FSTL5: variants seen among roughly 807,000 people sequenced by gnomAD.
The protein encoded by FSTL5 is follistatin-related protein 5.
FSTL5 carries 62 observed loss-of-function variants against 89.1 expected under a neutral mutation model. That is an observed-to-expected ratio of 0.70 (90% confidence interval 0.57 to 0.86). FSTL5 has a LOEUF of 0.86. Ranked by LOEUF, FSTL5 falls within the 40% of genes least tolerant of loss-of-function variation. FSTL5 has a pLI of 0.00. For synonymous variants in FSTL5, 383 were observed against 346.2 expected (o/e 1.11, Z -1.18); for missense variants, 1,057 against 1,001.6 (o/e 1.06, Z -0.75).
intron 6 of FSTL5, among the ~76,000 whole-genome samples, chr4:161,743,218 A>G (rs1038963912): frequency 6.6e-6 from 1 of 152,124 alleles, no homozygotes. Flanking sequence ...TCATTGATCT[A>G]TTTTTAAGGG....
intron 8 of FSTL5, among the ~76,000 whole-genome samples, chr4:161,550,580 T>TA (rs1009709368): frequency 4.0e-5 from 6 of 150,134 alleles, no homozygotes; most frequent in South Asian, 2.1e-4. Context: ...TTTATTTATT[T>TA]ATTTATTTAT....
intron 7 of FSTL5, among the ~76,000 whole-genome samples, chr4:161,598,855 T>C (rs753190912): frequency 4.6e-5 from 7 of 152,104 alleles, no homozygotes; most frequent in Non-Finnish European, 7.4e-5. Context: ...AGTACATATA[T>C]GTAAAAGACA....
intron 6 of FSTL5, among the ~76,000 whole-genome samples, chr4:161,668,752 A>T (rs935312639): frequency 6.6e-6 from 1 of 152,196 alleles, no homozygotes; most frequent in African/African-American, 2.4e-5. Context: ...TCAACAAGAT[A>T]AGAGGAAAAC....
At chr4:161,817,892 A>G (rs972139529) in intron 4 of FSTL5, among the ~76,000 whole-genome samples, 7 of 151,990 alleles carry the variant, frequency 4.6e-5, no homozygotes, top group Admixed American at 3.9e-4. Flanking sequence ...CCTTTAAATG[A>G]TACTGGAGTT....
chr4:162,147,984 A>C (rs1291913086), intron 1 of FSTL5, among the ~76,000 whole-genome samples: 2 of 152,140 alleles, frequency 1.3e-5, no homozygotes, highest in Non-Finnish European at 1.5e-5. Context: ...CAGCCTGGGC[A>C]ACAAGAGCGA....
At chr4:161,904,450 T>C (rs1015009533) in intron 4 of FSTL5, among the ~76,000 whole-genome samples, 2 of 152,056 alleles carry the variant, frequency 1.3e-5, no homozygotes, top group Admixed American at 6.5e-5. Context: ...AACTAATATA[T>C]AAATTATCCA....
chr4:161,728,056 T>C (rs1454834014), intron 6 of FSTL5, among the ~76,000 whole-genome samples: 1 of 152,040 alleles, frequency 6.6e-6, no homozygotes, highest in Non-Finnish European at 1.5e-5. Context: ...GAAAATGTCA[T>C]GGGTAAGAAA....
chr4:161,950,184 C>G (rs1326596802), intron 3 of FSTL5, among the ~76,000 whole-genome samples: 2 of 152,046 alleles, frequency 1.3e-5, no homozygotes, highest in Non-Finnish European at 2.9e-5. Context: ...TTCAGCAGGA[C>G]CTGGGATCTT....
rs10585971 is a variant in FSTL5, at chr4:161,998,857, A to AACACACAC, written c.160+34760_160+34767dup. Among the ~76,000 whole-genome samples, 470 of 146,576 alleles carry AACACACAC rather than the reference A, an allele frequency of 3.2e-3. 3 individuals carry two copies. The highest frequency in any genetic ancestry group is 0.011 in the African/African-American group (422 of 39,894). ...TGGTGAAGCAGTTAAACACACACAC[A>AACACACAC]ACACACACACACACACACACACACA... is the stretch of plus-strand genomic sequence containing the variant. On this transcript the variant is annotated intron_variant, in intron 3 of 15. Coordinates refer to ENST00000306100, the MANE Select transcript of FSTL5 (RefSeq NM_020116.5).
chr4:161,607,644 ATTTTCT>A (rs1734500813), intron 7 of FSTL5, among the ~76,000 whole-genome samples: 1 of 152,116 alleles, frequency 6.6e-6, no homozygotes, highest in South Asian at 2.1e-4. Context: ...GGAATGGATA[ATTTTCT>A]TTTAACTAAT....
chr4:161,657,370 G>A (rs1170846269), intron 6 of FSTL5, among the ~76,000 whole-genome samples: 1 of 152,140 alleles, frequency 6.6e-6, no homozygotes, highest in East Asian at 1.9e-4. Context: ...TTTGAGTCTT[G>A]TATTTTGACT....
chr4:161,457,196 A>G (rs1733384311), intron 14 of FSTL5, among the ~76,000 whole-genome samples: 1 of 152,184 alleles, frequency 6.6e-6, no homozygotes, highest in African/African-American at 2.4e-5. Context: ...CAATCTACCT[A>G]TCTAATCAAG....
intron 2 of FSTL5, among the ~76,000 whole-genome samples, chr4:162,034,586 AT>A (rs1445032163): frequency 1.3e-5 from 2 of 152,136 alleles, no homozygotes; most frequent in African/African-American, 4.8e-5. Context: ...TAAAGTGAAT[AT>A]TGTGCACTAA....
intron 7 of FSTL5, among the ~76,000 whole-genome samples, chr4:161,622,395 G>T (rs568083281): frequency 6.6e-6 from 1 of 152,162 alleles, no homozygotes; most frequent in South Asian, 2.1e-4. Flanking sequence ...GTCAGTGAAA[G>T]CTTGACGTAA....
chr4:161,887,732 C>A (rs1732860897), intron 4 of FSTL5, among the ~76,000 whole-genome samples: 1 of 152,034 alleles, frequency 6.6e-6, no homozygotes, highest in Admixed American at 6.6e-5. Flanking sequence ...TATTCAACTG[C>A]CAGTCTTACA....
intron 3 of FSTL5, among the ~76,000 whole-genome samples, chr4:161,942,152 T>C (rs988644911): frequency 6.6e-6 from 1 of 151,906 alleles, no homozygotes; most frequent in African/African-American, 2.4e-5. Flanking sequence ...TAAGAACTCA[T>C]AGCTGTAAAT....
At chr4:161,628,982 T>G (rs1735405784) in intron 7 of FSTL5, among the ~76,000 whole-genome samples, 1 of 152,248 alleles carries the variant, frequency 6.6e-6, no homozygotes, top group African/African-American at 2.4e-5. Context: ...GGGTTATAAT[T>G]TCTCAAAGAG....
intron 15 of FSTL5, among the ~76,000 whole-genome samples, chr4:161,421,718 G>A (rs1006578282): frequency 3.3e-5 from 5 of 152,176 alleles, no homozygotes; most frequent in Non-Finnish European, 7.4e-5. Context: ...GGTGGGCATC[G>A]TCCAATCTGT....
chr4:162,152,362 G>A (rs1365125701), intron 1 of FSTL5, among the ~76,000 whole-genome samples: 2 of 152,092 alleles, frequency 1.3e-5, no homozygotes, highest in Non-Finnish European at 2.9e-5. Flanking sequence ...CACAATTCAC[G>A]CACTTCTTTC....
Sources: gnomAD v4.1 joint callset for allele counts (sites outside exome capture counted in the v4.1 genomes callset) on GRCh38, gnomAD v4.1.1 for gene constraint, MANE v1.5 for transcripts, NCBI Gene and HGNC (gene_info 2026-07-23, HGNC 2026-07-21) for gene names.